The following CWC27 variants were observed in gnomAD, a reference collection of about 807,000 sequenced individuals.
CWC27 encodes the protein CWC27 spliceosome associated cyclophilin.
Under a neutral mutation model 63.6 loss-of-function variants are expected in CWC27, and 47 were observed. The observed-to-expected ratio is 0.74, with a 90% confidence interval of 0.58 to 0.94. CWC27 has a LOEUF of 0.94. Ranked by LOEUF, CWC27 falls within the 40% of genes least tolerant of loss-of-function variation. CWC27 has a pLI of 0.00. For synonymous variants in CWC27, 175 were observed against 179.8 expected, an observed-to-expected ratio of 0.97 and a Z score of 0.22; for missense variants, 495 against 554.3, an observed-to-expected ratio of 0.89 and a Z score of 1.07.
chr5:64,830,286 T>C (rs930280847), intron 10 of CWC27, among the ~76,000 whole-genome samples: 4 of 151,876 alleles, frequency 2.6e-5, no homozygotes, highest in African/African-American at 9.7e-5. Flanking sequence ...TTTTCTATCC[T>C]TGCGATAGTT....
intron 1 of CWC27, among the ~76,000 whole-genome samples, chr5:64,770,282 A>G (rs1029389578): frequency 1.3e-5 from 2 of 152,204 alleles, no homozygotes; most frequent in Non-Finnish European, 2.9e-5. Flanking sequence ...ATTGTAGATT[A>G]GTATGTCCAT....
intron 1 of CWC27, among the ~76,000 whole-genome samples, chr5:64,772,055 G>A (rs75812510): frequency 0.026 from 4,016 of 152,156 alleles, 179 homozygotes; most frequent in African/African-American, 0.092. Context: ...TTATTATCCC[G>A]TTTTTAGATT....
chr5:64,918,305 G>A (rs1198852844), intron 11 of CWC27, among the ~76,000 whole-genome samples: 1 of 152,076 alleles, frequency 6.6e-6, no homozygotes, highest in Non-Finnish European at 1.5e-5. Context: ...TGTGGTCAAA[G>A]GATTCAAAAT....
In CWC27 at chr5:64,785,511, C is replaced by T. The variant is rs773382223; in HGVS notation, c.427C>T (p.Arg143Ter). 15 of 1,542,608 alleles carry T rather than the reference C, an allele frequency of 9.7e-6. No individual in the cohort carries two copies. The highest frequency in any genetic ancestry group is 2.5e-5 in the South Asian group (2 of 80,100). Residue 143 changes from arginine (R) to a stop codon, truncating the protein, a stop_gained, in exon 5 of 14, where the codon CGA becomes TGA. Transcript: ENST00000381070. LOFTEE classifies it high-confidence loss of function. ...VTGDTVYNML[R>*]LSEVDIDDDE... ...AGGGGATACAGTATATAACATGTTG[C>T]GACTGTCAGAAGTAGACATTGATGA...
chr5:64,826,956 C>T (rs2112256928), intron 10 of CWC27, among the ~76,000 whole-genome samples: 1 of 152,214 alleles, frequency 6.6e-6, no homozygotes, highest in Admixed American at 6.5e-5. Context: ...AGCAAATCAG[C>T]ATATTCTTCT....
intron 11 of CWC27, among the ~76,000 whole-genome samples, chr5:64,899,088 T>C (rs1458546778): frequency 1.3e-5 from 2 of 152,096 alleles, no homozygotes; most frequent in African/African-American, 4.8e-5. Flanking sequence ...ATGGGAGATA[T>C]ATGGGGTTGA....
intron 10 of CWC27, chr5:64,807,773 G>A (rs959880032): frequency 3.9e-6 from 6 of 1,535,616 alleles, no homozygotes; most frequent in African/African-American, 1.4e-5. Context: ...CTCACTCAAC[G>A]GATCACCTGG....
In CWC27 at chr5:64,785,551, A is replaced by G; in HGVS notation, c.467A>G (p.His156Arg). Residue 156 changes from histidine (H) to arginine (R), a missense_variant, in exon 5 of 14, where the codon CAT (histidine) becomes CGT (arginine). By Grantham distance (29) the His-to-Arg change is conservative (BLOSUM62 0). Around this residue, in one of 3 missense-constraint regions of CWC27, gnomAD observed 463 missense variants for 498.1 expected, o/e 0.93. Coordinates refer to ENST00000381070, the MANE Select transcript of CWC27 (RefSeq NM_005869.4). ...GACATTGATGATGACGAAAGACCAC[A>G]TAATCCACACAAAATAAAAAGCTGT... ...EVDIDDDERP[H>R]NPHKIKSCEV... is the part of the protein sequence containing the mutation. 1.9e-6 allele frequency: 3 copies of G among 1,596,156 alleles called. No individual in the cohort carries two copies. Among genetic ancestry groups the G allele is most frequent in the Non-Finnish European group, 2.6e-6 (3 of 1,173,074 alleles).
intron 11 of CWC27, among the ~76,000 whole-genome samples, chr5:64,942,839 C>T (rs1748512590): frequency 6.6e-6 from 1 of 152,266 alleles, no homozygotes; most frequent in Non-Finnish European, 1.5e-5. Flanking sequence ...TAATTTTATG[C>T]CTGTGCATAT....
chr5:64,825,304 CT>C lies in CWC27; in HGVS notation c.938+20920del, dbSNP rs541547865. ...ACTATTTGACACTGGGTGTTCTTTT[CT>C]TAAAAATGAAAGAATTGAACTACCT... On this transcript the variant is annotated intron_variant, in intron 10 of 13. Transcript: ENST00000381070. 2.3e-3 allele frequency among the ~76,000 whole-genome samples: 356 copies of C among 152,180 alleles called. 1 individual carries two copies. Among genetic ancestry groups the C allele is most frequent in the African/African-American group, 8.3e-3 (343 of 41,528 alleles).
intron 11 of CWC27, among the ~76,000 whole-genome samples, chr5:64,921,161 A>T (rs890493510): frequency 1.3e-5 from 2 of 152,100 alleles, no homozygotes; most frequent in Admixed American, 1.3e-4. Flanking sequence ...GTTTCAAATA[A>T]TTTTTTATTT....
intron 11 of CWC27, among the ~76,000 whole-genome samples, chr5:64,930,668 T>C (rs965636204): frequency 1.3e-5 from 2 of 152,276 alleles, no homozygotes; most frequent in Non-Finnish European, 2.9e-5. Context: ...AAGAACAGTA[T>C]ATTGGCATGA....
chr5:65,014,328 A>G (rs1318760798), intron 13 of CWC27, among the ~76,000 whole-genome samples: 2 of 148,088 alleles, frequency 1.4e-5, no homozygotes, highest in African/African-American at 2.5e-5. Context: ...TATACTATAT[A>G]CCATATGTAT....
intron 11 of CWC27, among the ~76,000 whole-genome samples, chr5:64,960,211 ATT>A (rs34394781): frequency 1.7e-3 from 253 of 146,022 alleles, no homozygotes; most frequent in Non-Finnish European, 1.2e-3. Flanking sequence ...TTTCCTAGGG[ATT>A]TTTTTTTTTT....
At chr5:65,015,471 C>T (rs1167700832) in intron 13 of CWC27, among the ~76,000 whole-genome samples, 1 of 152,170 alleles carries the variant, frequency 6.6e-6, no homozygotes, top group Non-Finnish European at 1.5e-5. Context: ...TTGGCTTAGA[C>T]ATCAACACAG....
intron 11 of CWC27, among the ~76,000 whole-genome samples, chr5:64,937,274 C>G (rs1748374823): frequency 6.6e-6 from 1 of 152,152 alleles, no homozygotes; most frequent in Non-Finnish European, 1.5e-5. Context: ...TTAGCTGTGT[C>G]CCAGAGATTC....
intron 13 of CWC27, among the ~76,000 whole-genome samples, chr5:64,990,693 G>A (rs1047759620): frequency 6.6e-6 from 1 of 152,154 alleles, no homozygotes; most frequent in South Asian, 2.1e-4. Context: ...AACTGCTGCT[G>A]TCATACAACC....
chr5:64,863,460 C>T (rs749612483), intron 10 of CWC27, among the ~76,000 whole-genome samples: 18 of 151,880 alleles, frequency 1.2e-4, no homozygotes, highest in Non-Finnish European at 1.9e-4. Flanking sequence ...CCCTCCCTTT[C>T]CCTGTGCTCT....
chr5:64,939,929 G>A (rs536534136), intron 11 of CWC27, among the ~76,000 whole-genome samples: 1 of 152,284 alleles, frequency 6.6e-6, no homozygotes, highest in African/African-American at 2.4e-5. Context: ...GGGGAAAACC[G>A]CCTACTCAAG....
Sources: gnomAD v4.1 joint callset for allele counts (sites outside exome capture counted in the v4.1 genomes callset) on GRCh38, gnomAD v4.1.1 for gene constraint, gnomAD v4.1.1 regional missense constraint, MANE v1.5 for transcripts, NCBI Gene and HGNC (gene_info 2026-07-23, HGNC 2026-07-21) for gene names.